Variants in SHROOM3 observed in about 807,000 individuals in gnomAD.
SHROOM3 encodes protein Shroom3.
SHROOM3 carries 47 observed loss-of-function variants against 138.6 expected under a neutral mutation model. That is an observed-to-expected ratio of 0.34 (90% CI 0.27 to 0.43). The LOEUF is 0.43. Ranked by LOEUF, SHROOM3 falls within the 20% of genes least tolerant of loss-of-function variation. SHROOM3 has a pLI of 1.00. For synonymous variants in SHROOM3, 1,062 were observed against 1,063.3 expected (o/e 1.00, Z 0.02); for missense variants, 2,491 against 2,596.5 (o/e 0.96, Z 0.88).
intron 2 of SHROOM3, among the ~76,000 whole-genome samples, chr4:76,576,583 AG>A (rs1733945629): frequency 6.6e-6 from 1 of 152,206 alleles, no homozygotes; most frequent in Non-Finnish European, 1.5e-5. Flanking sequence ...ACTCTTTGAT[AG>A]CACAACAAGG....
At chr4:76,570,921 G>A (rs1339555944) in intron 2 of SHROOM3, among the ~76,000 whole-genome samples, 2 of 152,292 alleles carry the variant, frequency 1.3e-5, no homozygotes, top group East Asian at 1.9e-4. Context: ...GACACTAAAT[G>A]TACATGAGGT....
At chr4:76,713,540 A>G (rs564474784) in intron 3 of SHROOM3, among the ~76,000 whole-genome samples, 4 of 152,332 alleles carry the variant, frequency 2.6e-5, no homozygotes, top group Non-Finnish European at 4.4e-5. Flanking sequence ...AACCTGCCTG[A>G]GGCTATTTCA....
Position 76,435,775 on chromosome 4 carries a change from G to A in SHROOM3, c.-278G>A, listed in dbSNP as rs191417024. 3.8e-4 allele frequency: 119 copies of A among 316,100 alleles called. No homozygotes were observed. The East Asian group carries it at 6.0e-3, about 16-fold the overall frequency. 19.6% of individuals were successfully genotyped at this position (316,100 alleles called of 1,614,324 possible). A position where few individuals can be genotyped will look rare whatever the true frequency, so the allele number is the denominator to read the frequency against. On this transcript the variant is annotated 5_prime_UTR_variant, in exon 1 of 11. Transcript: ENST00000296043. ...GCCACTGAAGGAAGTTTTGACGAAC[G>A]GAGTAGAGATGTATACCACTTGGGG... is the stretch of plus-strand genomic sequence containing the variant.
In SHROOM3 at chr4:76,612,423, C is replaced by G. The variant is rs536972039; in HGVS notation, c.323+56660C>G. Among the ~76,000 whole-genome samples, 365 of 152,170 alleles carry G rather than the reference C, an allele frequency of 2.4e-3. 2 individuals carry two copies. Among genetic ancestry groups the G allele is most frequent in the African/African-American group, 8.1e-3 (337 of 41,504 alleles). On this transcript the variant is annotated intron_variant, in intron 2 of 10. Transcript: ENST00000296043. ...GTGTGTTAGTCAGTAAGTTTTAACT[C>G]CCTTTAAATTGAGAATGAATCCCAG...
At chr4:76,522,172 A>G (rs1021011427) in intron 1 of SHROOM3, among the ~76,000 whole-genome samples, 2 of 149,778 alleles carry the variant, frequency 1.3e-5, no homozygotes, top group Admixed American at 1.3e-4. Flanking sequence ...TTTAAATGTC[A>G]TTATTAGGAC....
intron 1 of SHROOM3, among the ~76,000 whole-genome samples, chr4:76,463,184 GATGGAA>G (rs753438461): frequency 6.6e-6 from 1 of 152,226 alleles, no homozygotes; most frequent in Non-Finnish European, 1.5e-5. Flanking sequence ...GGAGGTCTCA[GATGGAA>G]ATGAGCAACT....
At position 76,586,246 on chromosome 4, in the gene SHROOM3, C is replaced by G; in HGVS notation, c.323+30483C>G. The G allele has an allele frequency of 3.0e-6, 3 of 985,618 alleles. No individual in the cohort carries two copies. The South Asian group carries it at 1.4e-4, about 46-fold the overall frequency. The allele number at this position is 985,618 out of a possible 1,614,324, so 61.1% of individuals were successfully genotyped here. A position where few individuals can be genotyped will look rare whatever the true frequency, so the allele number is the denominator to read the frequency against. ...TGGCTAATCAGGGCAGCCCAGGTTCCCAGCGGAGGTGCGTCTGTGGTGTCA... is the reference window on the plus strand; with the variant it reads ...TGGCTAATCAGGGCAGCCCAGGTTCGCAGCGGAGGTGCGTCTGTGGTGTCA... On this transcript the variant is annotated intron_variant, in intron 2 of 10. Coordinates refer to ENST00000296043, the MANE Select transcript of SHROOM3 (RefSeq NM_020859.4).
chr4:76,769,165 T>C (rs1722263444), intron 9 of SHROOM3, among the ~76,000 whole-genome samples: 1 of 151,796 alleles, frequency 6.6e-6, no homozygotes, highest in Non-Finnish European at 1.5e-5. Flanking sequence ...AACATAGAAG[T>C]TGTAACCTTT....
intron 9 of SHROOM3, among the ~76,000 whole-genome samples, chr4:76,768,563 T>G (rs1247200851): frequency 6.6e-6 from 1 of 152,138 alleles, no homozygotes; most frequent in Non-Finnish European, 1.5e-5. Context: ...CAGGCTGGAG[T>G]ACAGTGGTGT....
At chr4:76,570,801 T>C (rs895483842) in intron 2 of SHROOM3, among the ~76,000 whole-genome samples, 3 of 152,196 alleles carry the variant, frequency 2.0e-5, no homozygotes, top group Non-Finnish European at 4.4e-5. Flanking sequence ...TTCATGCACA[T>C]TCCCGTCCCA....
chr4:76,566,835 T>C (rs1172651673), intron 2 of SHROOM3, among the ~76,000 whole-genome samples: 2 of 152,248 alleles, frequency 1.3e-5, no homozygotes, highest in African/African-American at 4.8e-5. Flanking sequence ...TTACCACCTG[T>C]CTCCTCATGG....
At chr4:76,754,235 C>T in intron 6 of SHROOM3, 76 bp from the exon 7 acceptor site, 1 of 1,571,776 alleles carries the variant, frequency 6.4e-7, no homozygotes, top group Non-Finnish European at 8.8e-7. Context: ...CTTTTCTCAT[C>T]TATGTAAGGA....
intron 10 of SHROOM3, among the ~76,000 whole-genome samples, chr4:76,774,290 T>G (rs1366450361): frequency 6.6e-6 from 1 of 152,224 alleles, no homozygotes; most frequent in African/African-American, 2.4e-5. Flanking sequence ...ATGCCTGCAC[T>G]CTTAAATACA....
chr4:76,504,156 C>CA (rs199679986), intron 1 of SHROOM3, among the ~76,000 whole-genome samples: 1 of 151,524 alleles, frequency 6.6e-6, no homozygotes, highest in South Asian at 2.1e-4. Context: ...GCCGACTTCT[C>CA]AAAAAAATTT....
chr4:76,658,598 T>C (rs977332096), intron 2 of SHROOM3, among the ~76,000 whole-genome samples: 2 of 152,030 alleles, frequency 1.3e-5, no homozygotes, highest in South Asian at 4.1e-4. Flanking sequence ...GAACTATATA[T>C]AATAGTGTGG....
intron 2 of SHROOM3, among the ~76,000 whole-genome samples, chr4:76,702,713 T>C (rs1288996982): frequency 2.0e-5 from 3 of 152,158 alleles, no homozygotes; most frequent in Non-Finnish European, 4.4e-5. Context: ...TCCATGAAGA[T>C]ATCATCTGTT....
In SHROOM3 at chr4:76,534,806, C is replaced by CTA. The variant is rs147727986; in HGVS notation, c.169-20800_169-20799dup. Among the ~76,000 whole-genome samples the CTA allele has an allele frequency of 3.3e-3, 509 of 152,292 alleles. 3 individuals are homozygous for CTA. The highest frequency in any genetic ancestry group is 0.012 in the African/African-American group (481 of 41,558). ...TTCCCAGAAGGCTAACCCCTGCAGG[C>CTA]TATACTCAGTCTCCCTAGTCAACTG... On this transcript the variant is annotated intron_variant, in intron 1 of 10. Transcript: ENST00000296043.
intron 2 of SHROOM3, among the ~76,000 whole-genome samples, chr4:76,597,268 T>G (rs1259597679): frequency 6.6e-6 from 1 of 152,150 alleles, no homozygotes; most frequent in Non-Finnish European, 1.5e-5. Context: ...AAGAGAATTG[T>G]GGTTTCCTAT....
At position 76,696,460 on chromosome 4, in the gene SHROOM3, G is replaced by A. The variant is rs554926181; in HGVS notation, c.324-13696G>A. On this transcript the variant is annotated intron_variant, in intron 2 of 10. Coordinates refer to ENST00000296043, the MANE Select transcript of SHROOM3 (RefSeq NM_020859.4). ...TGATCCGCAGCTGGATTTGTGAAAT[G>A]GGGTCACAGTCCAGTACCTTCTCTT... Among the ~76,000 whole-genome samples the A allele has an allele frequency of 2.6e-5, 4 of 152,318 alleles. No homozygotes were observed. In the East Asian group the frequency reaches 7.7e-4, roughly 29 times the overall value.
Sources: gnomAD v4.1 joint callset for allele counts (sites outside exome capture counted in the v4.1 genomes callset) on GRCh38, gnomAD v4.1.1 for gene constraint, MANE v1.5 for transcripts, NCBI Gene and HGNC (gene_info 2026-07-23, HGNC 2026-07-21) for gene names.